Variants in STXBP6 observed in about 807,000 individuals in gnomAD.
STXBP6 encodes the protein syntaxin-binding protein 6.
Under a neutral mutation model 26.9 loss-of-function variants are expected in STXBP6, and 21 were observed. That is an observed-to-expected ratio of 0.78 (90% CI 0.55 to 1.12). The LOEUF is 1.12. Ranked by LOEUF, STXBP6 falls within the 50% of genes most tolerant of loss-of-function variation. The pLI is 0.00. For missense variants in STXBP6, 232 were observed against 257.9 expected (o/e 0.90, Z 0.69); for synonymous variants, 97 against 92.6 (o/e 1.05, Z -0.27).
intron 2 of STXBP6, among the ~76,000 whole-genome samples, chr14:24,965,174 G>A (rs1375801689): frequency 1.3e-5 from 2 of 151,128 alleles, no homozygotes; most frequent in East Asian, 2.0e-4. Flanking sequence ...GTCAGGAGTG[G>A]GACACAGACT....
chr14:24,895,226 G>T (rs17185348), intron 2 of STXBP6, among the ~76,000 whole-genome samples: 19,514 of 152,170 alleles, frequency 0.13, 1,286 homozygotes, highest in African/African-American at 0.16. Context: ...AAAGTGTCCA[G>T]ATTTTTTTCA....
At chr14:24,856,684 G>A (rs2069344124) in intron 3 of STXBP6, among the ~76,000 whole-genome samples, 1 of 151,350 alleles carries the variant, frequency 6.6e-6, no homozygotes, top group South Asian at 2.1e-4. Context: ...ATTAGTGCCA[G>A]TAGGAGATAA....
At chr14:24,944,951 T>G (rs2072929318) in intron 2 of STXBP6, among the ~76,000 whole-genome samples, 1 of 152,048 alleles carries the variant, frequency 6.6e-6, no homozygotes, top group Non-Finnish European at 1.5e-5. Flanking sequence ...TCGCTAGGCT[T>G]GTACTTCCTG....
intron 1 of STXBP6, among the ~76,000 whole-genome samples, chr14:24,978,477 A>G (rs2074106693): frequency 6.6e-6 from 1 of 152,204 alleles, no homozygotes; most frequent in Non-Finnish European, 1.5e-5. Flanking sequence ...TAGTGTTGGT[A>G]AATCATTGTC....
intron 2 of STXBP6, among the ~76,000 whole-genome samples, chr14:24,909,098 G>A (rs545575887): frequency 6.6e-6 from 1 of 152,194 alleles, no homozygotes; most frequent in African/African-American, 2.4e-5. Flanking sequence ...AGTCACTGAC[G>A]TATTTCTAAA....
intron 2 of STXBP6, among the ~76,000 whole-genome samples, chr14:24,958,713 G>T (rs1595190358): frequency 6.6e-6 from 1 of 152,012 alleles, no homozygotes; most frequent in Non-Finnish European, 1.5e-5. Context: ...GTAATGCAAG[G>T]CTCTTTAGTA....
intron 4 of STXBP6, among the ~76,000 whole-genome samples, chr14:24,823,876 A>G (rs571785352): frequency 5.0e-4 from 76 of 152,344 alleles, no homozygotes; most frequent in Admixed American, 7.8e-4. Flanking sequence ...ATTATATTTA[A>G]TCTGTTTATA....
intron 4 of STXBP6, among the ~76,000 whole-genome samples, chr14:24,834,627 A>C (rs2068556303): frequency 6.6e-6 from 1 of 152,194 alleles, no homozygotes; most frequent in East Asian, 1.9e-4. Context: ...AGAAACAATG[A>C]TGATTTGGTT....
At chr14:25,020,428 A>C (rs920518006) in intron 1 of STXBP6, among the ~76,000 whole-genome samples, 1 of 152,212 alleles carries the variant, frequency 6.6e-6, no homozygotes, top group Non-Finnish European at 1.5e-5. Context: ...GAGGAAATAG[A>C]AAATCTGTTC....
rs1344421641 is a variant in STXBP6 at position 24,810,863 on chromosome 14, C to CTGTGTGTG, written c.*1845_*1846insCACACACA. ...ATCCAATTTGGAAAGATAAATACAT[C>CTGTGTGTG]TCTGTGTGTGTGTGTGTGTGTGTGT... is the stretch of plus-strand genomic sequence containing the variant. On this transcript the variant is annotated 3_prime_UTR_variant, in exon 6 of 6. Coordinates refer to ENST00000323944, the MANE Select transcript of STXBP6 (RefSeq NM_001394410.1). 20 of 24,722 alleles carry CTGTGTGTG rather than the reference C, an allele frequency of 8.1e-4. No individual in the cohort carries two copies. The highest frequency in any genetic ancestry group is 1.4e-3 in the Non-Finnish European group (14 of 10,200). 1.5% of individuals were successfully genotyped at this position (24,722 alleles called of 1,614,324 possible).
At chr14:24,965,794 G>A (rs1183897005) in intron 2 of STXBP6, among the ~76,000 whole-genome samples, 3 of 152,150 alleles carry the variant, frequency 2.0e-5, no homozygotes, top group Non-Finnish European at 4.4e-5. Flanking sequence ...AGCAACAGGT[G>A]CCTCTGACTA....
intron 4 of STXBP6, among the ~76,000 whole-genome samples, chr14:24,848,284 T>C (rs1277586800): frequency 6.6e-6 from 1 of 152,160 alleles, no homozygotes. Flanking sequence ...CAGAAAAGCA[T>C]AGAGATGCTG....
chr14:24,844,201 G>A (rs1566402825), intron 4 of STXBP6, among the ~76,000 whole-genome samples: 1 of 152,212 alleles, frequency 6.6e-6, no homozygotes, highest in Non-Finnish European at 1.5e-5. Context: ...ACTCCATGGG[G>A]ACAGAAGCCG....
At chr14:25,006,571 C>A (rs1055903658) in intron 1 of STXBP6, among the ~76,000 whole-genome samples, 2 of 152,176 alleles carry the variant, frequency 1.3e-5, no homozygotes, top group Non-Finnish European at 2.9e-5. Flanking sequence ...AGAAGACGCA[C>A]CTCTGCTTCA....
chr14:25,048,785 T>C (rs2075762614), intron 1 of STXBP6, among the ~76,000 whole-genome samples: 1 of 152,102 alleles, frequency 6.6e-6, no homozygotes, highest in Non-Finnish European at 1.5e-5. Flanking sequence ...CTGACTAGTG[T>C]GCAGGCAAAA....
At chr14:24,818,961 T>C (rs2068060211) in intron 5 of STXBP6, 76 bp downstream of exon 5, 10 of 1,484,632 alleles carry the variant, frequency 6.7e-6, no homozygotes, top group South Asian at 1.4e-5. Context: ...CACAGGAAAA[T>C]ACTGAAATAA....
chr14:24,951,197 C>T (rs1409449987), intron 2 of STXBP6, among the ~76,000 whole-genome samples: 1 of 152,186 alleles, frequency 6.6e-6, no homozygotes, highest in African/African-American at 2.4e-5. Flanking sequence ...CTGCAATAAA[C>T]ATACGTGTGC....
intron 2 of STXBP6, among the ~76,000 whole-genome samples, chr14:24,930,836 G>T (rs1395801765): frequency 1.3e-5 from 2 of 151,944 alleles, no homozygotes; most frequent in East Asian, 3.9e-4. Flanking sequence ...CACCGGCCGG[G>T]CGCGGTGGCT....
At chr14:24,970,044 C>A (rs1046449757) in intron 2 of STXBP6, among the ~76,000 whole-genome samples, 2 of 152,120 alleles carry the variant, frequency 1.3e-5, no homozygotes, top group African/African-American at 4.8e-5. Context: ...GAACTCGAGA[C>A]CAGCTTGGCC....
Sources: gnomAD v4.1 joint callset for allele counts (sites outside exome capture counted in the v4.1 genomes callset) on GRCh38, gnomAD v4.1.1 for gene constraint, MANE v1.5 for transcripts, NCBI Gene and HGNC (gene_info 2026-07-23, HGNC 2026-07-21) for gene names.